Variants in ZFPM2 observed in about 807,000 individuals in gnomAD.
The protein encoded by ZFPM2 is zinc finger protein ZFPM2.
In ZFPM2, 20 loss-of-function variants were observed where a neutral mutation model predicts 98.6. That is an observed-to-expected ratio of 0.20 (90% CI 0.14 to 0.29). The LOEUF is 0.29. Ranked by LOEUF, ZFPM2 falls within the 10% of genes least tolerant of loss-of-function variation. ZFPM2 has a pLI of 1.00. For synonymous variants in ZFPM2, 518 were observed against 502.7 expected, an observed-to-expected ratio of 1.03 and a Z score of -0.41; for missense variants, 1,310 against 1,388.6, an observed-to-expected ratio of 0.94 and a Z score of 0.90.
intron 1 of ZFPM2, among the ~76,000 whole-genome samples, chr8:105,389,593 G>A (rs1811069828): frequency 6.6e-6 from 1 of 152,170 alleles, no homozygotes; most frequent in African/African-American, 2.4e-5. Flanking sequence ...GGGAACCAGA[G>A]AGAGAGAAAA....
At chr8:105,670,503 A>AC in intron 5 of ZFPM2, among the ~76,000 whole-genome samples, 1 of 150,730 alleles carries the variant, frequency 6.6e-6, no homozygotes, top group South Asian at 2.1e-4. Context: ...CTCAAAAAAA[A>AC]AAAAAAAAAA....
At chr8:105,521,587 T>C (rs1814062820) in intron 3 of ZFPM2, among the ~76,000 whole-genome samples, 1 of 152,158 alleles carries the variant, frequency 6.6e-6, no homozygotes, top group Non-Finnish European at 1.5e-5. Context: ...AACTTTCTTT[T>C]TTTTTTTGAG....
intron 5 of ZFPM2, among the ~76,000 whole-genome samples, chr8:105,720,442 C>A (rs1377955891): frequency 6.6e-6 from 1 of 151,852 alleles, no homozygotes; most frequent in Non-Finnish European, 1.5e-5. Flanking sequence ...GTGTTCACTA[C>A]TAATTTATGA....
Position 105,534,014 on chromosome 8 carries a change from C to T in ZFPM2, c.302-27349C>T, listed in dbSNP as rs140470898. Among the ~76,000 whole-genome samples, 163 of 21,412 alleles carry T rather than the reference C, an allele frequency of 7.6e-3. 2 individuals carry two copies. The highest frequency in any genetic ancestry group is 0.05 in the African/African-American group (83 of 1,658). The allele number at this position is 21,412 out of a possible 152,430, so 14.0% of individuals were successfully genotyped here. On this transcript the variant is annotated intron_variant, in intron 3 of 7. Coordinates refer to ENST00000407775, the MANE Select transcript of ZFPM2 (RefSeq NM_012082.4). ...CTCCCTCTCTCCTTCCTTCCTTCCT[C>T]CCTTCTTCCCTTCCTCCCTCCCTCC...
intron 3 of ZFPM2, among the ~76,000 whole-genome samples, chr8:105,448,842 T>G (rs1441224112): frequency 6.6e-6 from 1 of 152,058 alleles, no homozygotes; most frequent in Non-Finnish European, 1.5e-5. Flanking sequence ...TGGTCTTCCC[T>G]TACCCTAGGA....
At chr8:105,636,715 G>T (rs1049344825) in intron 5 of ZFPM2, among the ~76,000 whole-genome samples, 4 of 152,136 alleles carry the variant, frequency 2.6e-5, no homozygotes, top group African/African-American at 9.7e-5. Context: ...ATGAATGGTT[G>T]CCAGACACTG....
chr8:105,441,496 AAG>A lies in ZFPM2; in HGVS notation c.200-2782_200-2781del, dbSNP rs1032994229. ...AAAGAAAGAAAGAAAGAAAGAAAGA[AAG>A]AAATCAAAGCCCAGGGGCGCCCCGG... On this transcript the variant is annotated intron_variant, in intron 2 of 7. Coordinates refer to ENST00000407775, the MANE Select transcript of ZFPM2 (RefSeq NM_012082.4). Among the ~76,000 whole-genome samples, 3 of 125,044 alleles carry A rather than the reference AAG, an allele frequency of 2.4e-5. No homozygotes were observed. In the Admixed American group the frequency reaches 2.6e-4, roughly 11 times the overall value. 82.0% of individuals were successfully genotyped at this position (125,044 alleles called of 152,430 possible).
intron 1 of ZFPM2, among the ~76,000 whole-genome samples, chr8:105,398,124 A>G (rs1367282331): frequency 6.6e-6 from 1 of 152,224 alleles, no homozygotes; most frequent in Admixed American, 6.5e-5. Context: ...AAAGGAGCTC[A>G]TAAACTTTAC....
intron 4 of ZFPM2, among the ~76,000 whole-genome samples, chr8:105,564,293 C>A (rs573453993): frequency 6.6e-6 from 1 of 151,984 alleles, no homozygotes; most frequent in African/African-American, 2.4e-5. Flanking sequence ...AATTTTAATA[C>A]TTCAGTTTTC....
chr8:105,593,893 A>T (rs1815906748), intron 4 of ZFPM2, among the ~76,000 whole-genome samples: 1 of 152,076 alleles, frequency 6.6e-6, no homozygotes, highest in Admixed American at 6.6e-5. Flanking sequence ...CAAAGAAATC[A>T]TCGTGGGAGA....
intron 3 of ZFPM2, among the ~76,000 whole-genome samples, chr8:105,521,019 A>C (rs2130546423): frequency 6.8e-6 from 1 of 147,142 alleles, no homozygotes; most frequent in Admixed American, 6.7e-5. Flanking sequence ...ATATATGTTA[A>C]AAATTTGATG....
At chr8:105,549,587 T>TTCCTTCCTTCCATCC (rs1814800751) in intron 3 of ZFPM2, among the ~76,000 whole-genome samples, 1 of 87,292 alleles carries the variant, frequency 1.1e-5, no homozygotes, top group African/African-American at 5.1e-5. Flanking sequence ...TCGTTCCTTC[T>TTCCTTCCTTCCATCC]TTCCTTCCTC....
At chr8:105,758,222 T>C (rs1392919008) in intron 5 of ZFPM2, among the ~76,000 whole-genome samples, 9 of 152,132 alleles carry the variant, frequency 5.9e-5, no homozygotes, top group African/African-American at 2.2e-4. Context: ...ATCACGACTA[T>C]CATTCACTGG....
chr8:105,735,218 A>T (rs1408479132), intron 5 of ZFPM2, among the ~76,000 whole-genome samples: 2 of 150,520 alleles, frequency 1.3e-5, no homozygotes, highest in African/African-American at 4.9e-5. Flanking sequence ...TTGCTGCTGT[A>T]ACAAAGAATA....
chr8:105,746,737 A>T (rs1812358245), intron 5 of ZFPM2, among the ~76,000 whole-genome samples: 1 of 150,874 alleles, frequency 6.6e-6, no homozygotes, highest in Admixed American at 6.6e-5. Flanking sequence ...CTTCTGCAAA[A>T]AACATTCAAA....
intron 3 of ZFPM2, among the ~76,000 whole-genome samples, chr8:105,462,407 G>A (rs1016976009): frequency 3.9e-5 from 6 of 152,086 alleles, no homozygotes; most frequent in African/African-American, 1.4e-4. Flanking sequence ...CCTCTGCAAA[G>A]CTTCCTGTGC....
intron 3 of ZFPM2, among the ~76,000 whole-genome samples, chr8:105,504,407 T>C (rs1243489366): frequency 2.0e-5 from 3 of 152,134 alleles, no homozygotes; most frequent in Admixed American, 6.5e-5. Context: ...AACTTCCTAG[T>C]GATGTGTCAA....
intron 1 of ZFPM2, among the ~76,000 whole-genome samples, chr8:105,390,154 C>A (rs1379244219): frequency 6.6e-6 from 1 of 152,024 alleles, no homozygotes; most frequent in Non-Finnish European, 1.5e-5. Flanking sequence ...GGCAAAGACC[C>A]CAGTAAGATT....
intron 4 of ZFPM2, among the ~76,000 whole-genome samples, chr8:105,580,594 A>G (rs1298349537): frequency 6.6e-6 from 1 of 152,058 alleles, no homozygotes. Context: ...TCGCTTGACG[A>G]TGTTAACAAC....
Sources: allele counts gnomAD v4.1 joint callset (sites outside exome capture counted in the v4.1 genomes callset), GRCh38; gene constraint gnomAD v4.1.1; transcripts MANE v1.5; gene names NCBI Gene and HGNC (gene_info 2026-07-23, HGNC 2026-07-21).